Variants in E2F8 observed in about 807,000 individuals in gnomAD.
E2F8 encodes the protein E2F transcription factor 8, also known as transcription factor E2F8.
E2F8 carries 35 observed loss-of-function variants against 80.8 expected under a neutral mutation model. The observed-to-expected ratio is 0.43, with a 90% CI of 0.33 to 0.57. E2F8 has a LOEUF of 0.57. E2F8 is among the 20% of genes least tolerant of loss of function. The pLI, the probability that E2F8 is intolerant of heterozygous loss-of-function variation, is 0.04. For synonymous variants in E2F8, 386 were observed against 395.0 expected (o/e 0.98, Z 0.27); for missense variants, 975 against 1,056.2 (o/e 0.92, Z 1.07).
chr11:19,234,606 C>T (rs1411932772), intron 5 of E2F8, 85 bp from the exon 6 acceptor site: 4 of 1,557,932 alleles, frequency 2.6e-6, no homozygotes, highest in Non-Finnish European at 3.5e-6. Flanking sequence ...AATACTACCA[C>T]CTGATCATAC....
At chr11:19,230,406 C>A in intron 8 of E2F8, 78 bp from the exon 9 acceptor site, 1 of 1,432,382 alleles carries the variant, frequency 7.0e-7, no homozygotes, top group Admixed American at 2.0e-5. Flanking sequence ...TCACTGAAGT[C>A]AGAGGAACAG....
At chr11:19,232,165 T>C in intron 7 of E2F8, 69 bp downstream of exon 7, 2 of 1,584,134 alleles carry the variant, frequency 1.3e-6, no homozygotes, top group South Asian at 1.2e-5. Context: ...CAACACACAC[T>C]GGAAATTAAA....
Position 19,229,392 on chromosome 11 carries a change from C to A in E2F8, c.1893+62G>T. On this transcript the variant is annotated intron_variant, in intron 10 of 12. Transcript: ENST00000250024. The surrounding 1 kb of genome is among the most constrained non-coding windows in gnomAD (Gnocchi z 4.3). ...CTCTTCGGTAAATTTCACAAGCCAC[C>A]AATCTTCCTGTAATAGACTAGGGAA... The A allele has an allele frequency of 3.3e-6, 5 of 1,529,036 alleles. No homozygotes were observed. Among genetic ancestry groups the A allele is most frequent in the Non-Finnish European group, 4.4e-6 (5 of 1,140,828 alleles). The allele number at this position is 1,529,036 out of a possible 1,614,324, so 94.7% of individuals were successfully genotyped here.
rs748489336 is a variant in E2F8 at position 19,229,738 on chromosome 11, G to A, written c.1609C>T (p.Pro537Ser). ...PTQAHQSVTP[P>S]QGLSPTVCTT... ...CACACCGTTGGGCTCAGGCCTTGGGGTGGCGTCACACTTTGGTGGGCTTGA... is the reference window on the plus strand; with the variant it reads ...CACACCGTTGGGCTCAGGCCTTGGGATGGCGTCACACTTTGGTGGGCTTGA... Residue 537 changes from proline (P) to serine (S), a missense_variant, in exon 10 of 13, where the codon CCC becomes TCC. Pro to Ser is a moderately conservative substitution (Grantham distance 74). Transcript: ENST00000250024. The surrounding 1 kb of genome is among the most constrained non-coding windows in gnomAD (Gnocchi z 4.3). 4 of 1,614,216 alleles carry A rather than the reference G, an allele frequency of 2.5e-6. No individual in the cohort carries two copies. In the South Asian group the frequency reaches 3.3e-5, roughly 13 times the overall value.
chr11:19,225,705 T>C, intron 11 of E2F8, 27 bp downstream of exon 11: 1 of 1,613,766 alleles, frequency 6.2e-7, no homozygotes. Context: ...CCGGCCCACA[T>C]CTGGTTAGTG....
chr11:19,231,222 C>G (rs75246686), intron 7 of E2F8, among the ~76,000 whole-genome samples: 10 of 152,226 alleles, frequency 6.6e-5, no homozygotes, highest in Non-Finnish European at 1.3e-4. Flanking sequence ...AGCCCTGTGT[C>G]GGAGATGAGA....
At chr11:19,237,263 A>C in intron 4 of E2F8, 51 bp downstream of exon 4, 2 of 1,590,598 alleles carry the variant, frequency 1.3e-6, no homozygotes, top group Non-Finnish European at 1.7e-6. Context: ...AGTTAAGTCC[A>C]TAAAGCCACT....
chr11:19,228,105 A>G (rs1851282244), intron 10 of E2F8, among the ~76,000 whole-genome samples: 1 of 152,156 alleles, frequency 6.6e-6, no homozygotes, highest in Non-Finnish European at 1.5e-5. Flanking sequence ...AGAAATGGTT[A>G]GAGTTGCAGA....
rs557554419 is a variant in E2F8, at chr11:19,225,072, G to T, written c.2421+149C>A. 4.0e-6 allele frequency: 5 copies of T among 1,252,124 alleles called. No homozygotes were observed. In the South Asian group the frequency reaches 5.9e-5, roughly 15 times the overall value. The allele number at this position is 1,252,124 out of a possible 1,614,324, so 77.6% of individuals were successfully genotyped here. On this transcript the variant is annotated intron_variant, in intron 12 of 12. Coordinates refer to ENST00000250024, the MANE Select transcript of E2F8 (RefSeq NM_024680.4). ...ATGGATGCCTTGGACACTCTTCCTG[G>T]GTTCTGGAAGAAACATAGGCCTTCA...
At chr11:19,240,978 C>T (rs1565074332), upstream of E2F8, 1 of 152,500 alleles carries the variant, frequency 6.6e-6, no homozygotes, top group Non-Finnish European at 1.5e-5. Context: ...AAAGGCCCCT[C>T]CCCCAGGCCC....
intron 1 of E2F8, 149 bp from the exon 2 acceptor site, chr11:19,240,379 C>A (rs1851627222): frequency 3.4e-6 from 1 of 292,076 alleles, no homozygotes; most frequent in Admixed American, 5.3e-5. Context: ...CCAGAGATCG[C>A]CCCACTGAGC....
At position 19,240,185 on chromosome 11, in the gene E2F8, C is replaced by G; in HGVS notation, c.-64G>C. 2 of 1,204,160 alleles carry G rather than the reference C, an allele frequency of 1.7e-6. No homozygotes were observed. The highest frequency in any genetic ancestry group is 3.5e-5 in the South Asian group (2 of 57,588). 74.6% of individuals were successfully genotyped at this position (1,204,160 alleles called of 1,614,324 possible). A position where few individuals can be genotyped will look rare whatever the true frequency, so the allele number is the denominator to read the frequency against. ...AAATCTGGAGTTCCTCCCCAAATCC[C>G]GATGGTTCAAGTAGTCCAATCAATT... On this transcript the variant is annotated 5_prime_UTR_variant, in exon 2 of 13. Transcript: ENST00000250024.
At chr11:19,225,000 T>C (rs1851192083) in intron 12 of E2F8, 160 bp from the exon 13 acceptor site, 2 of 1,128,770 alleles carry the variant, frequency 1.8e-6, no homozygotes, top group Non-Finnish European at 2.5e-6. Context: ...ACATTCTCAA[T>C]TATTTTTGTT....
chr11:19,228,659 C>T (rs1325101728), intron 10 of E2F8, among the ~76,000 whole-genome samples: 1 of 152,154 alleles, frequency 6.6e-6, no homozygotes, highest in African/African-American at 2.4e-5. Context: ...AGTAAAATAG[C>T]TTGTATTAAG....
Position 19,230,786 on chromosome 11 carries a change from C to G in E2F8, c.1115G>C (p.Arg372Pro). ...TTTGGCACAGTTCTCTTTTGAAGAC[C>G]GTCTCACCTCCAAATCAGAGGGAGT... Reference protein sequence around the residue: ...HFTPSDLEVRRSSKENCAKNL... With the variant: ...HFTPSDLEVRPSSKENCAKNL... The change falls in exon 8 of 13, where the codon CGG becomes CCG. Residue 372 changes from arginine to proline, a missense_variant. Arg to Pro is a moderately radical substitution (Grantham distance 103, BLOSUM62 -2). Transcript: ENST00000250024. The G allele has an allele frequency of 6.2e-7, 1 of 1,614,154 alleles. No individual in the cohort carries two copies. The highest frequency in any genetic ancestry group is 8.5e-7 in the Non-Finnish European group (1 of 1,180,028).
At position 19,225,735 on chromosome 11, in the gene E2F8, C is replaced by G. The variant is rs112064008; in HGVS notation, c.2023G>C (p.Ala675Pro). Residue 675 changes from alanine (A) to proline (P), a missense_variant, in exon 11 of 13, where the codon GCA becomes CCA. Ala to Pro is a conservative substitution (Grantham distance 27). Transcript: ENST00000250024. ...TTAGTGTTTTATGTGCACTCACCTGCAATTGGGGAGCTGTAAATCCTGTGG... is the reference window on the plus strand; with the variant it reads ...TTAGTGTTTTATGTGCACTCACCTGGAATTGGGGAGCTGTAAATCCTGTGG... Reference protein sequence around the residue: ...PNHRIYSSPIAGVIPVTSSEL... With the variant: ...PNHRIYSSPIPGVIPVTSSEL... 41 of 1,614,152 alleles carry G rather than the reference C, an allele frequency of 2.5e-5. No individual in the cohort carries two copies. In the African/African-American group the frequency reaches 3.5e-4, roughly 14 times the overall value.
At chr11:19,237,585 G>A in intron 3 of E2F8, 115 bp from the exon 4 acceptor site, 2 of 1,197,600 alleles carry the variant, frequency 1.7e-6, no homozygotes, top group Middle Eastern at 2.9e-4. Flanking sequence ...TTCAACAGCT[G>A]CAAAGTCTGG....
intron 10 of E2F8, 159 bp from the exon 11 acceptor site, chr11:19,226,023 G>C (rs751303824): frequency 9.4e-6 from 7 of 746,168 alleles, no homozygotes; most frequent in African/African-American, 3.5e-5. Context: ...GCTCCTAGAG[G>C]AGAATACCCT....
At chr11:19,235,159 A>AT (rs2133573905) in intron 4 of E2F8, 101 bp from the exon 5 acceptor site, 1 of 1,067,282 alleles carries the variant, frequency 9.4e-7, no homozygotes, top group Admixed American at 2.8e-5. Context: ...GTCTTGGATA[A>AT]TATCACTTTC....
Sources: gnomAD v4.1 joint callset for allele counts (sites outside exome capture counted in the v4.1 genomes callset) on GRCh38, gnomAD v4.1.1 for gene constraint, Gnocchi (gnomAD v3.1) non-coding constraint, MANE v1.5 for transcripts, NCBI Gene and HGNC (gene_info 2026-07-23, HGNC 2026-07-21) for gene names.